The following NSMCE2 variants were observed in gnomAD, a reference collection of about 807,000 sequenced individuals.
NSMCE2 encodes the protein E3 SUMO-protein ligase NSE2.
Under a neutral mutation model 23.8 loss-of-function variants are expected in NSMCE2, and 24 were observed. The observed-to-expected ratio is 1.01, with a 90% CI of 0.73 to 1.42. The LOEUF (loss-of-function observed/expected upper bound fraction) is 1.42, where lower values mean the gene tolerates loss of function less well. Among genes scored for constraint, NSMCE2 ranks in the 40% most tolerant of loss-of-function variants. NSMCE2 has a pLI of 0.00. For missense variants in NSMCE2, 284 were observed against 296.5 expected (o/e 0.96, Z 0.31); for synonymous variants, 92 against 94.1 (o/e 0.98, Z 0.13).
intron 3 of NSMCE2, among the ~76,000 whole-genome samples, chr8:125,115,713 C>T (rs1818972565): frequency 1.3e-5 from 2 of 151,984 alleles, no homozygotes; most frequent in African/African-American, 2.4e-5. Context: ...ATTGACAGAG[C>T]GAGACTCCGT....
At chr8:125,343,674 C>CT (rs1044761030) in intron 5 of NSMCE2, among the ~76,000 whole-genome samples, 27 of 151,980 alleles carry the variant, frequency 1.8e-4, no homozygotes, top group Admixed American at 7.2e-4. Context: ...TGACATATAA[C>CT]CTTGTAAGGG....
intron 5 of NSMCE2, among the ~76,000 whole-genome samples, chr8:125,309,271 G>C (rs914375358): frequency 8.1e-6 from 1 of 124,116 alleles, no homozygotes; most frequent in Non-Finnish European, 1.7e-5. Flanking sequence ...AAAAAAAAAA[G>C]AATTGTGTTG....
chr8:125,257,117 C>T (rs1381463629), intron 5 of NSMCE2, among the ~76,000 whole-genome samples: 1 of 150,332 alleles, frequency 6.7e-6, no homozygotes, highest in African/African-American at 2.4e-5. Flanking sequence ...AGCCCCATCT[C>T]TACTAAAAAT....
intron 5 of NSMCE2, among the ~76,000 whole-genome samples, chr8:125,280,455 T>C (rs1827645538): frequency 6.6e-6 from 1 of 152,234 alleles, no homozygotes; most frequent in Non-Finnish European, 1.5e-5. Flanking sequence ...TAAACAGTTT[T>C]ACTGTCCTCT....
At chr8:125,129,006 A>G (rs1253440824) in intron 3 of NSMCE2, among the ~76,000 whole-genome samples, 1 of 152,230 alleles carries the variant, frequency 6.6e-6, no homozygotes, top group Non-Finnish European at 1.5e-5. Flanking sequence ...CACAGCAGAT[A>G]AGAACACGTT....
intron 7 of NSMCE2, among the ~76,000 whole-genome samples, chr8:125,365,074 G>T (rs1006009746): frequency 2.0e-5 from 3 of 152,030 alleles, no homozygotes; most frequent in Non-Finnish European, 2.9e-5. Flanking sequence ...CCCTTTGTGG[G>T]TGACTCACTG....
At chr8:125,286,314 TA>T (rs1162601723) in intron 5 of NSMCE2, among the ~76,000 whole-genome samples, 18 of 97,484 alleles carry the variant, frequency 1.8e-4, no homozygotes, top group African/African-American at 3.5e-4. Flanking sequence ...ACCTTTTATT[TA>T]TTTTTTTTTT....
intron 5 of NSMCE2, among the ~76,000 whole-genome samples, chr8:125,342,340 G>C (rs749466259): frequency 5.3e-5 from 8 of 152,214 alleles, no homozygotes; most frequent in Non-Finnish European, 1.0e-4. Context: ...GAAGGAGGAA[G>C]TTTGAAAAGT....
At chr8:125,349,105 ATC>A (rs1487496051) in intron 5 of NSMCE2, among the ~76,000 whole-genome samples, 1 of 151,582 alleles carries the variant, frequency 6.6e-6, no homozygotes, top group Non-Finnish European at 1.5e-5. Context: ...CCTGCTGAAT[ATC>A]TCTTTTTCCA....
At chr8:125,134,339 G>C (rs1383939381) in intron 3 of NSMCE2, among the ~76,000 whole-genome samples, 1 of 152,196 alleles carries the variant, frequency 6.6e-6, no homozygotes, top group African/African-American at 2.4e-5. Context: ...TATTAGAAGT[G>C]GAAGTATTAT....
intron 5 of NSMCE2, among the ~76,000 whole-genome samples, chr8:125,331,016 AG>A: frequency 6.6e-6 from 1 of 152,234 alleles, no homozygotes; most frequent in East Asian, 1.9e-4. Flanking sequence ...TAAGAAAGAA[AG>A]GTGACTGGGC....
At chr8:125,348,998 A>G (rs1004813352) in intron 5 of NSMCE2, 3 of 145,986 alleles carry the variant, frequency 2.1e-5, no homozygotes, top group Non-Finnish European at 4.4e-5. Flanking sequence ...CAAGGAGTGG[A>G]TCTCAAAGCA....
intron 5 of NSMCE2, among the ~76,000 whole-genome samples, chr8:125,287,068 A>G (rs1827933154): frequency 6.6e-6 from 1 of 152,078 alleles, no homozygotes; most frequent in South Asian, 2.1e-4. Flanking sequence ...GTGGTGGCTC[A>G]CACCTGTAAT....
intron 7 of NSMCE2, among the ~76,000 whole-genome samples, chr8:125,364,722 G>T (rs913515115): frequency 2.0e-5 from 3 of 152,218 alleles, no homozygotes; most frequent in African/African-American, 4.8e-5. Flanking sequence ...AGTCACAGGG[G>T]ATCTGGAAGG....
chr8:125,246,046 T>C (rs1825948772), intron 5 of NSMCE2, among the ~76,000 whole-genome samples: 1 of 151,928 alleles, frequency 6.6e-6, no homozygotes, highest in Admixed American at 6.6e-5. Context: ...AAATTAGGAA[T>C]AAAAAGAGGT....
intron 5 of NSMCE2, among the ~76,000 whole-genome samples, chr8:125,291,705 T>C (rs542249463): frequency 2.8e-4 from 42 of 152,322 alleles, no homozygotes; most frequent in African/African-American, 9.4e-4. Context: ...TCTGGAGTTA[T>C]ATTAGTATTT....
intron 5 of NSMCE2, among the ~76,000 whole-genome samples, chr8:125,236,201 G>A (rs1825541220): frequency 6.6e-6 from 1 of 152,176 alleles, no homozygotes; most frequent in Admixed American, 6.5e-5. Flanking sequence ...GAGGTGGTGA[G>A]GTCAGGGAGT....
intron 4 of NSMCE2, among the ~76,000 whole-genome samples, chr8:125,179,101 G>A (rs1299296771): frequency 6.6e-6 from 1 of 152,142 alleles, no homozygotes; most frequent in Non-Finnish European, 1.5e-5. Context: ...GTGGTACTTT[G>A]TTATTGCAGC....
chr8:125,356,133 G>A (rs7822592), intron 5 of NSMCE2, among the ~76,000 whole-genome samples: 64,626 of 151,708 alleles, frequency 0.43, 16,618 homozygotes, highest in East Asian at 0.55. Context: ...GAATGCATAC[G>A]CAGATATCCA....
Sources: gnomAD v4.1 joint callset for allele counts (sites outside exome capture counted in the v4.1 genomes callset) on GRCh38, gnomAD v4.1.1 for gene constraint, MANE v1.5 for transcripts, NCBI Gene and HGNC (gene_info 2026-07-23, HGNC 2026-07-21) for gene names.